STMN2: variants seen among roughly 807,000 people sequenced by gnomAD.
The protein encoded by STMN2 is stathmin-2.
In STMN2, 2 loss-of-function variants were observed where a neutral mutation model predicts 24.1. That is an observed-to-expected ratio of 0.08 (90% CI 0.03 to 0.26). The LOEUF is 0.26. Ranked by LOEUF, STMN2 falls within the 10% of genes least tolerant of loss-of-function variation. The probability of loss-of-function intolerance (pLI) is 1.00; values close to 1 mark genes in which losing one functional copy is unlikely to be tolerated. For synonymous variants in STMN2, 83 were observed against 77.5 expected, an observed-to-expected ratio of 1.07 and a Z score of -0.37; for missense variants, 114 against 213.6, an observed-to-expected ratio of 0.53 and a Z score of 2.91.
chr8:79,613,442 C>T, intron 1 of STMN2: 1 of 985,484 alleles, frequency 1.0e-6, no homozygotes, highest in Non-Finnish European at 1.2e-6. Context: ...TGCGCAGTGT[C>T]CTGAGCTACC....
chr8:79,648,890 A>T (rs1468961618), intron 3 of STMN2, among the ~76,000 whole-genome samples: 1 of 152,208 alleles, frequency 6.6e-6, no homozygotes, highest in African/African-American at 2.4e-5. Context: ...TATTGTGAAA[A>T]CAAAAGGATT....
intron 3 of STMN2, among the ~76,000 whole-genome samples, chr8:79,651,684 A>T (rs1356202321): frequency 6.6e-6 from 1 of 152,254 alleles, no homozygotes; most frequent in African/African-American, 2.4e-5. Flanking sequence ...TAATTGGAGC[A>T]TCTGAAAATG....
In STMN2 at chr8:79,665,057, G is replaced by C. The variant is rs1420209858; in HGVS notation, c.*183G>C. ...ATGCGGTCTCTTTGCAGAATGTTTT[G>C]CTTGATGTTTAAAAAATACCTTGGA... On this transcript the variant is annotated 3_prime_UTR_variant, in exon 5 of 5. Coordinates refer to ENST00000220876, the MANE Select transcript of STMN2 (RefSeq NM_007029.4). The C allele has an allele frequency of 2.3e-6, 1 of 441,008 alleles. No individual in the cohort carries two copies. The highest frequency in any genetic ancestry group is 3.7e-6 in the Non-Finnish European group (1 of 268,488). The allele number at this position is 441,008 out of a possible 1,614,324, so 27.3% of individuals were successfully genotyped here.
At position 79,654,685 on chromosome 8, in the gene STMN2, G is replaced by A. The variant is rs142266591; in HGVS notation, c.289-186G>A. ...CTCACAGCTGAAAATTCAGCTAACC[G>A]CATTTCCCAACTAGCCACATTCTAT... On this transcript the variant is annotated intron_variant, in intron 3 of 4. Transcript: ENST00000220876. Among the ~76,000 whole-genome samples the A allele has an allele frequency of 2.8e-4, 42 of 152,240 alleles. 1 individual carries two copies. The East Asian group carries it at 7.3e-3, about 27-fold the overall frequency.
chr8:79,644,865 G>A lies in STMN2; in HGVS notation c.288+3315G>A, dbSNP rs565140024. Among the ~76,000 whole-genome samples, 9 of 152,134 alleles carry A rather than the reference G, an allele frequency of 5.9e-5. No individual in the cohort carries two copies. The South Asian group carries it at 1.0e-3, about 18-fold the overall frequency. On this transcript the variant is annotated intron_variant, in intron 3 of 4. Coordinates refer to ENST00000220876, the MANE Select transcript of STMN2 (RefSeq NM_007029.4). Reference sequence around the variant, plus strand: ...AACAGTACTGTCCAAGGAATATAACGTGAGCCAGGCCGGGTGTGGTGGCTC... The same window carrying A: ...AACAGTACTGTCCAAGGAATATAACATGAGCCAGGCCGGGTGTGGTGGCTC...
rs754232306 is a variant in STMN2, at chr8:79,638,146, G to T, written c.115+1249G>T. Among the ~76,000 whole-genome samples, 2 of 152,152 alleles carry T rather than the reference G, an allele frequency of 1.3e-5. 1 individual carries two copies. Among genetic ancestry groups the T allele is most frequent in the South Asian group, 4.1e-4 (2 of 4,830 alleles). ...CTATGTTTCTTATGAGACTAATGTC[G>T]AACTATGGGTTGTCACTGAGGATCC... On this transcript the variant is annotated intron_variant, in intron 2 of 4. Transcript: ENST00000220876.
chr8:79,636,926 G>A, intron 2 of STMN2, 29 bp downstream of exon 2: 2 of 1,589,794 alleles, frequency 1.3e-6, no homozygotes, highest in Non-Finnish European at 1.7e-6. Context: ...ACATACCCCT[G>A]CTAGCTAGAT....
chr8:79,638,330 G>A (rs533026675), intron 2 of STMN2, among the ~76,000 whole-genome samples: 1 of 152,298 alleles, frequency 6.6e-6, no homozygotes, highest in African/African-American at 2.4e-5. Flanking sequence ...AAGAAAATAT[G>A]TGAAGTTATG....
At chr8:79,620,486 G>A (rs1484412246) in intron 1 of STMN2, among the ~76,000 whole-genome samples, 1 of 151,790 alleles carries the variant, frequency 6.6e-6, no homozygotes, top group African/African-American at 2.4e-5. Flanking sequence ...GGTATTATGA[G>A]AACAAAAATA....
At chr8:79,621,727 G>A (rs187194298) in intron 1 of STMN2, among the ~76,000 whole-genome samples, 1 of 152,190 alleles carries the variant, frequency 6.6e-6, no homozygotes, top group African/African-American at 2.4e-5. Context: ...AGAAGCAGGG[G>A]TGTCCCCAGC....
intron 1 of STMN2, among the ~76,000 whole-genome samples, chr8:79,628,203 G>A (rs922874776): frequency 4.0e-5 from 6 of 151,146 alleles, no homozygotes; most frequent in African/African-American, 7.3e-5. Flanking sequence ...TTGCTATGTC[G>A]CCCAGGCTGG....
intron 1 of STMN2, among the ~76,000 whole-genome samples, chr8:79,628,545 C>T (rs1363730803): frequency 6.6e-6 from 1 of 152,158 alleles, no homozygotes; most frequent in African/African-American, 2.4e-5. Context: ...ACAAGGATTG[C>T]TTTTCTCCAC....
chr8:79,636,957 T>C, intron 2 of STMN2, 60 bp downstream of exon 2: 1 of 1,495,054 alleles, frequency 6.7e-7, no homozygotes. Flanking sequence ...GGTTGACATA[T>C]ATTTGTTTCT....
At position 79,624,503 on chromosome 8, in the gene STMN2, T is replaced by C. The variant is rs1809606527; in HGVS notation, c.20-12299T>C. Among the ~76,000 whole-genome samples the C allele has an allele frequency of 2.9e-5, 4 of 136,782 alleles. No individual in the cohort carries two copies. The South Asian group carries it at 9.6e-4, about 33-fold the overall frequency. 89.7% of individuals were successfully genotyped at this position (136,782 alleles called of 152,430 possible). On this transcript the variant is annotated intron_variant, in intron 1 of 4. Transcript: ENST00000220876. ...AGAAAGAAAGAAAGAAGGAAAAAAGTCACTTGAAAAGAATACTGGACTTTG... is the reference window on the plus strand; with the variant it reads ...AGAAAGAAAGAAAGAAGGAAAAAAGCCACTTGAAAAGAATACTGGACTTTG...
At chr8:79,619,905 T>C (rs1266428413) in intron 1 of STMN2, among the ~76,000 whole-genome samples, 1 of 151,910 alleles carries the variant, frequency 6.6e-6, no homozygotes, top group Non-Finnish European at 1.5e-5. Flanking sequence ...TTTTCTTATA[T>C]AGTTTTTTAA....
intron 4 of STMN2, 82 bp downstream of exon 4, chr8:79,655,144 G>A: frequency 6.6e-7 from 1 of 1,514,404 alleles, no homozygotes; most frequent in Non-Finnish European, 8.9e-7. Context: ...TGAGCACAGA[G>A]ACGAAGTCAA....
chr8:79,653,363 C>T (rs34895246), intron 3 of STMN2, among the ~76,000 whole-genome samples: 12,557 of 152,008 alleles, frequency 0.083, 706 homozygotes, highest in Non-Finnish European at 0.13. Context: ...GGTGACAGAG[C>T]GAGACTCTAT....
At chr8:79,621,718 G>C (rs1809519748) in intron 1 of STMN2, among the ~76,000 whole-genome samples, 1 of 152,180 alleles carries the variant, frequency 6.6e-6, no homozygotes, top group Non-Finnish European at 1.5e-5. Context: ...AGAATCTCTA[G>C]AAGCAGGGGT....
intron 1 of STMN2, among the ~76,000 whole-genome samples, chr8:79,623,471 TG>T (rs1809566444): frequency 6.6e-6 from 1 of 152,180 alleles, no homozygotes; most frequent in African/African-American, 2.4e-5. Flanking sequence ...ATCATGTAAA[TG>T]TGTGGTACAT....
Sources: allele counts gnomAD v4.1 joint callset (sites outside exome capture counted in the v4.1 genomes callset), GRCh38; gene constraint gnomAD v4.1.1; transcripts MANE v1.5; gene names NCBI Gene and HGNC (gene_info 2026-07-23, HGNC 2026-07-21).